The following ELK3 variants were observed in gnomAD, a reference collection of about 807,000 sequenced individuals.
The protein encoded by ELK3 is ETS transcription factor ELK3.
A neutral mutation model predicts 28.9 loss-of-function variants in ELK3; 10 were observed. That is an observed-to-expected ratio of 0.35 (90% CI 0.21 to 0.59). The LOEUF is 0.59. Among genes scored for constraint, ELK3 ranks in the 20% least tolerant of loss-of-function variants. ELK3 has a pLI of 0.82. For missense variants in ELK3, 463 were observed against 517.3 expected (o/e 0.90, Z 1.02); for synonymous variants, 272 against 243.5 (o/e 1.12, Z -1.09).
intron 2 of ELK3, among the ~76,000 whole-genome samples, chr12:96,244,089 C>A (rs1951840142): frequency 6.6e-6 from 1 of 151,170 alleles, no homozygotes; most frequent in Non-Finnish European, 1.5e-5. Flanking sequence ...CTATTCCAAA[C>A]AATATTCCTT....
intron 1 of ELK3, among the ~76,000 whole-genome samples, chr12:96,218,080 A>C (rs1020896144): frequency 6.6e-6 from 1 of 152,194 alleles, no homozygotes; most frequent in Non-Finnish European, 1.5e-5. Flanking sequence ...ATGGCAGATC[A>C]CAGCTCTGCA....
chr12:96,254,360 A>G (rs987238195), intron 3 of ELK3, among the ~76,000 whole-genome samples: 2 of 152,234 alleles, frequency 1.3e-5, no homozygotes, highest in African/African-American at 4.8e-5. Context: ...TGCTAGAGGT[A>G]TAAGTGAAAA....
chr12:96,265,187 A>C (rs776331136), intron 4 of ELK3, among the ~76,000 whole-genome samples: 1 of 152,234 alleles, frequency 6.6e-6, no homozygotes, highest in Non-Finnish European at 1.5e-5. Flanking sequence ...GGGGAGTGTC[A>C]TGGGAGAAGA....
At chr12:96,237,835 C>T (rs1308675738) in intron 2 of ELK3, among the ~76,000 whole-genome samples, 1 of 152,198 alleles carries the variant, frequency 6.6e-6, no homozygotes, top group South Asian at 2.1e-4. Context: ...GTTTGCTTGT[C>T]GGAGAGATAC....
intron 2 of ELK3, among the ~76,000 whole-genome samples, chr12:96,237,991 C>T (rs1015042318): frequency 1.3e-5 from 2 of 151,414 alleles, no homozygotes; most frequent in African/African-American, 4.8e-5. Flanking sequence ...GGAGATACTC[C>T]TCTGCTACTT....
rs544072576 is a variant in ELK3 at position 96,243,148 on chromosome 12, T to C, written c.208-3792T>C. Among the ~76,000 whole-genome samples the C allele has an allele frequency of 5.9e-5, 9 of 152,338 alleles. No homozygotes were observed. The East Asian group carries it at 1.7e-3, about 29-fold the overall frequency. On this transcript the variant is annotated intron_variant, in intron 2 of 4. Transcript: ENST00000228741. ...TTAAGATTCTTATATGTTCTTTTCT[T>C]TAAAAACCAGCTTCATTAAGATAAA...
Position 96,230,664 on chromosome 12 carries a change from G to C in ELK3, c.207+6891G>C, listed in dbSNP as rs1007021701. Among the ~76,000 whole-genome samples, 3 of 152,136 alleles carry C rather than the reference G, an allele frequency of 2.0e-5. No individual in the cohort carries two copies. The East Asian group carries it at 5.8e-4, about 29-fold the overall frequency. On this transcript the variant is annotated intron_variant, in intron 2 of 4. Coordinates refer to ENST00000228741, the MANE Select transcript of ELK3 (RefSeq NM_005230.4). ...GGGAATTGAGCAGCTCCCTGGTCTC[G>C]AAGTGCACATGATTTTAATAGATGA...
intron 2 of ELK3, among the ~76,000 whole-genome samples, chr12:96,225,444 A>ATT (rs1296323678): frequency 2.0e-5 from 3 of 152,202 alleles, no homozygotes; most frequent in African/African-American, 7.2e-5. Flanking sequence ...CCTTGGGCAG[A>ATT]TTTTAAAATC....
chr12:96,259,792 G>T lies in ELK3; in HGVS notation c.1064G>T (p.Ser355Ile). The T allele has an allele frequency of 1.9e-6, 3 of 1,611,260 alleles. No homozygotes were observed. Among genetic ancestry groups the T allele is most frequent in the Non-Finnish European group, 2.5e-6 (3 of 1,179,260 alleles). ...CTCTCCAGCATACATTTCTGGAGCAGCCTTAGTCCAGTTGCTCCGCTGAGT... is the reference window on the plus strand; with the variant it reads ...CTCTCCAGCATACATTTCTGGAGCATCCTTAGTCCAGTTGCTCCGCTGAGT... The part of the protein sequence containing the change: ...PLLSSIHFWS[S>I]LSPVAPLSPA... The change falls in exon 4 of 5, where the codon AGC becomes ATC. Residue 355 changes from serine to isoleucine, a missense_variant. By Grantham distance (142) the Ser-to-Ile change is moderately radical (BLOSUM62 -2). This residue lies in a region of ELK3 where 408 missense variants were observed against 414.8 expected (regional missense o/e 0.98). Transcript: ENST00000228741.
chr12:96,229,116 G>C (rs1374785930), intron 2 of ELK3, among the ~76,000 whole-genome samples: 1 of 152,190 alleles, frequency 6.6e-6, no homozygotes, highest in East Asian at 1.9e-4. Context: ...GTAAATGCTA[G>C]ACGAGTGAAC....
rs904977246 is a variant in ELK3 at position 96,268,619 on chromosome 12, A to G, written c.*1439A>G. 5 of 152,262 alleles carry G rather than the reference A, an allele frequency of 3.3e-5. No individual in the cohort carries two copies. Among genetic ancestry groups the G allele is most frequent in the Non-Finnish European group, 5.9e-5 (4 of 68,048 alleles). The allele number at this position is 152,262 out of a possible 1,614,324, so 9.4% of individuals were successfully genotyped here. A position where few individuals can be genotyped will look rare whatever the true frequency, so the allele number is the denominator to read the frequency against. On this transcript the variant is annotated 3_prime_UTR_variant, in exon 5 of 5. Coordinates refer to ENST00000228741, the MANE Select transcript of ELK3 (RefSeq NM_005230.4). ...TCAAGATTAATTACAATCCTTAACT[A>G]TAAGTGATGATAAAAACTAACTTGA...
chr12:96,197,014 A>C (rs1435186989), intron 1 of ELK3, among the ~76,000 whole-genome samples: 1 of 152,200 alleles, frequency 6.6e-6, no homozygotes, highest in Non-Finnish European at 1.5e-5. Flanking sequence ...AAATTGTAGC[A>C]TTGAAAGCTG....
intron 2 of ELK3, among the ~76,000 whole-genome samples, chr12:96,239,930 C>T (rs771477287): frequency 4.6e-5 from 7 of 152,252 alleles, no homozygotes; most frequent in South Asian, 4.1e-4. Context: ...CTGTAGGCTG[C>T]GGCCAGCATC....
chr12:96,195,295 A>G (rs914187353), intron 1 of ELK3, among the ~76,000 whole-genome samples: 1 of 151,782 alleles, frequency 6.6e-6, no homozygotes, highest in Non-Finnish European at 1.5e-5. Context: ...GGCTGCGTCC[A>G]CTCTCGCTTG....
At position 96,257,238 on chromosome 12, in the gene ELK3, T is replaced by C. The variant is rs182687307; in HGVS notation, c.1003-2493T>C. Among the ~76,000 whole-genome samples the C allele has an allele frequency of 3.9e-5, 6 of 152,328 alleles. No homozygotes were observed. The South Asian group carries it at 8.3e-4, about 21-fold the overall frequency. The stretch of plus-strand genomic sequence containing the variant: ...CCCAGAGCAGGTGTTATAGGAACTT[T>C]CCTTAAAAAAGCAACCACATGGTTC... On this transcript the variant is annotated intron_variant, in intron 3 of 4. Coordinates refer to ENST00000228741, the MANE Select transcript of ELK3 (RefSeq NM_005230.4).
rs561351491 is a variant in ELK3 at position 96,213,725 on chromosome 12, T to C, written c.-2-9840T>C. On this transcript the variant is annotated intron_variant, in intron 1 of 4. Transcript: ENST00000228741. ...GTGATTTCCTCTGAAAAATCTCTCT[T>C]TTTTTTTGTTTTGTTTTTGAGACAG... The C allele has an allele frequency of 4.6e-5, 7 of 152,062 alleles. No homozygotes were observed. The South Asian group carries it at 8.3e-4, about 18-fold the overall frequency. 9.4% of individuals were successfully genotyped at this position (152,062 alleles called of 1,614,324 possible). A position where few individuals can be genotyped will look rare whatever the true frequency, so the allele number is the denominator to read the frequency against.
chr12:96,208,490 C>G (rs1951553789), intron 1 of ELK3, among the ~76,000 whole-genome samples: 1 of 152,222 alleles, frequency 6.6e-6, no homozygotes, highest in South Asian at 2.1e-4. Context: ...TTCTCCAGGC[C>G]ACTGCCAGGG....
chr12:96,216,429 G>A (rs1196204130), intron 1 of ELK3, among the ~76,000 whole-genome samples: 2 of 152,204 alleles, frequency 1.3e-5, no homozygotes, highest in Non-Finnish European at 1.5e-5. Context: ...ACGATTTTTT[G>A]TGCTTTCATA....
intron 4 of ELK3, among the ~76,000 whole-genome samples, chr12:96,263,628 G>A (rs1952009216): frequency 6.6e-6 from 1 of 152,208 alleles, no homozygotes; most frequent in Admixed American, 6.5e-5. Context: ...AGAAAGTAAG[G>A]GGCAGACGCG....
Sources: gnomAD v4.1 joint callset for allele counts (sites outside exome capture counted in the v4.1 genomes callset) on GRCh38, gnomAD v4.1.1 for gene constraint, gnomAD v4.1.1 regional missense constraint, MANE v1.5 for transcripts, NCBI Gene and HGNC (gene_info 2026-07-23, HGNC 2026-07-21) for gene names.